PUM1: variants seen among roughly 807,000 people sequenced by gnomAD.
PUM1 encodes the protein pumilio RNA binding family member 1, also known as pumilio homolog 1.
A neutral mutation model predicts 131.8 loss-of-function variants in PUM1; 13 were observed. The observed-to-expected ratio is 0.10, with a 90% CI of 0.06 to 0.16. PUM1 has a LOEUF of 0.16. Ranked by LOEUF, PUM1 falls within the 10% of genes least tolerant of loss-of-function variation. The pLI is 1.00. For synonymous variants in PUM1, 509 were observed against 556.5 expected, an observed-to-expected ratio of 0.91 and a Z score of 1.20; for missense variants, 961 against 1,512.4, an observed-to-expected ratio of 0.64 and a Z score of 6.05.
intron 2 of PUM1, among the ~76,000 whole-genome samples, chr1:31,058,619 G>A (rs916693574): frequency 1.4e-5 from 2 of 147,484 alleles, no homozygotes; most frequent in African/African-American, 2.5e-5. Flanking sequence ...CAGAGATCGC[G>A]CCAGTGCACT....
At chr1:30,969,092 TC>T (rs1382823776) in intron 10 of PUM1, among the ~76,000 whole-genome samples, 5 of 151,292 alleles carry the variant, frequency 3.3e-5, no homozygotes, top group Non-Finnish European at 7.4e-5. Context: ...TTATCAGAGG[TC>T]AGGAGTTCGA....
chr1:31,038,064 G>A (rs1234443017), intron 2 of PUM1, among the ~76,000 whole-genome samples: 1 of 148,866 alleles, frequency 6.7e-6, no homozygotes, highest in Non-Finnish European at 1.5e-5. Flanking sequence ...CGGAAATAGA[G>A]TGAGACTCCA....
At chr1:31,033,706 G>C (rs981922671) in intron 2 of PUM1, among the ~76,000 whole-genome samples, 1 of 151,342 alleles carries the variant, frequency 6.6e-6, no homozygotes, top group Non-Finnish European at 1.5e-5. Context: ...CTGTTACCTA[G>C]GCTGGAATGC....
intron 3 of PUM1, among the ~76,000 whole-genome samples, chr1:31,007,598 CAG>C: frequency 6.6e-6 from 1 of 152,344 alleles, no homozygotes; most frequent in African/African-American, 2.4e-5. Context: ...CCTTTATACA[CAG>C]AGACTCCATT....
rs1553150212 is a variant in PUM1, at chr1:31,009,782, A to ACAAAAAC, written c.433-2681_433-2680insGTTTTTG. ...GACTCTGTCTCAAAAAAAAAAAAAA[A>ACAAAAAC]AAAAACAAAAACAGAAACAAAAAAA... On this transcript the variant is annotated intron_variant, in intron 3 of 21. Coordinates refer to ENST00000426105, the MANE Select transcript of PUM1 (RefSeq NM_001020658.2). 1.5e-3 allele frequency among the ~76,000 whole-genome samples: 194 copies of ACAAAAAC among 125,354 alleles called. 5 individuals carry two copies. In the East Asian group the frequency reaches 0.036, roughly 23 times the overall value. 82.2% of individuals were successfully genotyped at this position (125,354 alleles called of 152,430 possible).
intron 3 of PUM1, among the ~76,000 whole-genome samples, chr1:31,011,164 T>TACACACCCACACACAC (rs1642601258): frequency 7.0e-6 from 1 of 142,976 alleles, no homozygotes; most frequent in South Asian, 2.3e-4. Flanking sequence ...TCTCTTAAAA[T>TACACACCCACACACAC]ACACACACAC....
Position 31,028,453 on chromosome 1 carries a change from G to A in PUM1, c.432+343C>T, listed in dbSNP as rs564535153. On this transcript the variant is annotated intron_variant, in intron 3 of 21. Transcript: ENST00000426105. ...TGGGTTGGGGGAAAACCTAGCCACT[G>A]GAAAATGAAGTAAAGGTTGGCCTTT... 5.9e-5 allele frequency among the ~76,000 whole-genome samples: 9 copies of A among 152,176 alleles called. No homozygotes were observed. In the East Asian group the frequency reaches 1.7e-3, roughly 29 times the overall value.
chr1:30,980,021 T>C, intron 9 of PUM1, 41 bp downstream of exon 9: 2 of 1,408,148 alleles, frequency 1.4e-6, no homozygotes, highest in Non-Finnish European at 2.0e-6. Flanking sequence ...AAATGACTTT[T>C]CAGCAGGTGA....
intron 16 of PUM1, 140 bp downstream of exon 16, chr1:30,952,094 C>A: frequency 1.3e-6 from 1 of 741,034 alleles, no homozygotes. Context: ...ATTGGAAAAA[C>A]ACTAAAAACC....
chr1:31,041,420 G>T (rs1220664522), intron 2 of PUM1, among the ~76,000 whole-genome samples: 2 of 151,746 alleles, frequency 1.3e-5, no homozygotes, highest in East Asian at 1.9e-4. Context: ...CCTCTGGGGG[G>T]CGGGGGGTGT....
intron 8 of PUM1, 109 bp downstream of exon 8, chr1:30,981,203 T>G: frequency 1.6e-6 from 1 of 613,400 alleles, no homozygotes; most frequent in East Asian, 3.2e-5. Flanking sequence ...GTCTGAGGGA[T>G]TTGTCTGAAC....
In PUM1 at chr1:31,059,646, A is replaced by T. The variant is rs751350825; in HGVS notation, c.-11-69T>A. 188 of 1,483,240 alleles carry T rather than the reference A, an allele frequency of 1.3e-4. 1 individual carries two copies. Among genetic ancestry groups the T allele is most frequent in the Non-Finnish European group, 1.6e-4 (173 of 1,104,834 alleles). The allele number at this position is 1,483,240 out of a possible 1,614,324, so 91.9% of individuals were successfully genotyped here. A position where few individuals can be genotyped will look rare whatever the true frequency, so the allele number is the denominator to read the frequency against. The stretch of plus-strand genomic sequence containing the variant: ...GAAACATAAAACACACTAAGATAAA[A>T]ACATGAACCCCATGTCTTTTACAAT... On this transcript the variant is annotated intron_variant, in intron 1 of 21. Transcript: ENST00000426105.
Position 31,065,632 on chromosome 1 carries a change from T to G in PUM1, c.-28A>C. 6.5e-7 allele frequency: 1 copy of G among 1,548,674 alleles called. No individual in the cohort carries two copies. ...GATACTCACGGGCGGAGCGGTAGGA[T>G]GAAGATGGATTTCAGCCCCCCGATC... On this transcript the variant is annotated 5_prime_UTR_variant, in exon 1 of 22. Transcript: ENST00000426105.
chr1:30,977,839 A>G (rs1313982886), intron 9 of PUM1, among the ~76,000 whole-genome samples: 1 of 152,204 alleles, frequency 6.6e-6, no homozygotes, highest in Non-Finnish European at 1.5e-5. Flanking sequence ...AATTCAAGAC[A>G]GACAGCACAG....
At chr1:30,939,870 CTTTT>C (rs879941041) in intron 20 of PUM1, among the ~76,000 whole-genome samples, 1 of 151,398 alleles carries the variant, frequency 6.6e-6, no homozygotes, top group Non-Finnish European at 1.5e-5. Flanking sequence ...ATAAAAACTT[CTTTT>C]TTTTTAAATT....
At chr1:31,024,021 A>G (rs960658393) in intron 3 of PUM1, among the ~76,000 whole-genome samples, 8 of 151,938 alleles carry the variant, frequency 5.3e-5, no homozygotes, top group East Asian at 1.9e-4. Flanking sequence ...GACACTCTCT[A>G]CTATATCCTA....
intron 7 of PUM1, among the ~76,000 whole-genome samples, chr1:30,987,447 G>A (rs764207750): frequency 6.6e-6 from 1 of 151,988 alleles, no homozygotes; most frequent in Non-Finnish European, 1.5e-5. Flanking sequence ...TGCCCGCCTC[G>A]GCCTCCCAAA....
Position 30,968,421 on chromosome 1 carries a change from G to A in PUM1, c.1578C>T (p.Pro526=). Residue 526 remains proline (P), a synonymous_variant, in exon 11 of 22, where the codon CCC becomes CCT. Transcript: ENST00000426105. ...AATTCACTGCTGCAGCTGCCACAAG[G>A]GGATCCGTTTGCTGTCCCTGCTGGT... is the stretch of plus-strand genomic sequence containing the variant. ...NQNQQGQQTD[P]LVAAAAVNSA... The A allele has an allele frequency of 6.2e-7, 1 of 1,601,738 alleles. No individual in the cohort carries two copies. The highest frequency in any genetic ancestry group is 8.5e-7 in the Non-Finnish European group (1 of 1,175,640).
intron 9 of PUM1, among the ~76,000 whole-genome samples, chr1:30,976,292 A>G (rs1047338669): frequency 3.3e-5 from 5 of 152,206 alleles, no homozygotes; most frequent in Non-Finnish European, 5.9e-5. Context: ...CCAAAGACAC[A>G]TTTGCTAACC....
Sources: allele counts gnomAD v4.1 joint callset (sites outside exome capture counted in the v4.1 genomes callset), GRCh38; gene constraint gnomAD v4.1.1; transcripts MANE v1.5; gene names NCBI Gene and HGNC (gene_info 2026-07-23, HGNC 2026-07-21).